Variants in ATG13 observed in about 807,000 individuals in gnomAD.
ATG13 encodes the protein autophagy-related protein 13.
ATG13 carries 23 observed loss-of-function variants against 65.5 expected under a neutral mutation model. The ratio of observed to expected loss-of-function variants is 0.35; its 90% CI spans 0.25 to 0.50. The LOEUF is 0.50. ATG13 is among the 20% of genes least tolerant of loss of function. The probability of loss-of-function intolerance (pLI) is 0.98; values close to 1 mark genes in which losing one functional copy is unlikely to be tolerated. For missense variants in ATG13, 566 were observed against 677.0 expected (o/e 0.84, Z 1.82); for synonymous variants, 252 against 245.2 (o/e 1.03, Z -0.26).
In ATG13 at chr11:46,663,985, GTCT is replaced by G. The variant is rs1565601101; in HGVS notation, c.790-11_790-9del. ...TTTTGTTTCTCCTGTCTCTGTGTGTGTCTGTGCACAGTGTGTGTTTACTGTCAC... is the reference window on the plus strand; with the variant it reads ...TTTTGTTTCTCCTGTCTCTGTGTGTGGTGCACAGTGTGTGTTTACTGTCAC... On this transcript the variant is annotated splice_polypyrimidine_tract_variant and intron_variant, in intron 11 of 18. Transcript: ENST00000683050. 7 of 995,930 alleles carry G rather than the reference GTCT, an allele frequency of 7.0e-6. No homozygotes were observed. Among genetic ancestry groups the G allele is most frequent in the Non-Finnish European group, 1.0e-5 (7 of 684,672 alleles). The allele number at this position is 995,930 out of a possible 1,614,324, so 61.7% of individuals were successfully genotyped here. A position where few individuals can be genotyped will look rare whatever the true frequency, so the allele number is the denominator to read the frequency against.
chr11:46,663,951 T>TTTTTTTTTTTTTTTTTTTTTTC, intron 11 of ATG13, 46 bp from the exon 12 acceptor site: 1 of 1,135,002 alleles, frequency 8.8e-7, no homozygotes, highest in Non-Finnish European at 1.2e-6. Context: ...TTTTCTTTTT[T>TTTTTTTTTTTTTTTTTTTTTTC]TTTTTTTTTT....
intron 2 of ATG13, among the ~76,000 whole-genome samples, chr11:46,631,710 C>A (rs2051802625): frequency 1.3e-5 from 2 of 152,022 alleles, no homozygotes; most frequent in Admixed American, 1.3e-4. Context: ...CCCCACAGGT[C>A]TCTGCAAAAA....
At chr11:46,630,805 G>A (rs902810977) in intron 2 of ATG13, 1 of 151,918 alleles carries the variant, frequency 6.6e-6, no homozygotes, top group African/African-American at 2.4e-5. Context: ...GGACTCAAGT[G>A]ATCCTCCTGC....
At chr11:46,636,749 G>A (rs1159175158) in intron 2 of ATG13, among the ~76,000 whole-genome samples, 4 of 151,824 alleles carry the variant, frequency 2.6e-5, no homozygotes, top group South Asian at 2.1e-4. Flanking sequence ...CAGCTGCCAC[G>A]CTGGGCCTAT....
At chr11:46,643,198 G>A (rs1024448437) in intron 2 of ATG13, among the ~76,000 whole-genome samples, 6 of 152,176 alleles carry the variant, frequency 3.9e-5, no homozygotes, top group Admixed American at 3.3e-4. Context: ...GATTGAGGGA[G>A]TTCAGGGGTT....
chr11:46,653,472 C>T (rs1306168809), intron 7 of ATG13, among the ~76,000 whole-genome samples: 4 of 151,998 alleles, frequency 2.6e-5, no homozygotes, highest in Non-Finnish European at 4.4e-5. Flanking sequence ...CCATGTCCAG[C>T]TACATTTCTT....
intron 10 of ATG13, 21 bp downstream of exon 10, chr11:46,657,643 C>G (rs371095370): frequency 1.5e-4 from 239 of 1,550,534 alleles, no homozygotes; most frequent in Non-Finnish European, 2.0e-4. Context: ...TGAAAAGGTG[C>G]TCTCCCAAAC....
At chr11:46,648,426 A>G (rs1289042109) in intron 5 of ATG13, among the ~76,000 whole-genome samples, 4 of 152,112 alleles carry the variant, frequency 2.6e-5, no homozygotes, top group African/African-American at 9.7e-5. Context: ...TGCAGTAATG[A>G]AAATTAGAAA....
intron 7 of ATG13, among the ~76,000 whole-genome samples, chr11:46,655,801 A>C (rs1370099018): frequency 6.6e-6 from 1 of 152,142 alleles, no homozygotes; most frequent in Non-Finnish European, 1.5e-5. Flanking sequence ...GCAATGGTGC[A>C]ATCTTGGCTC....
At chr11:46,666,231 A>G (rs2062331706) in intron 14 of ATG13, among the ~76,000 whole-genome samples, 1 of 152,236 alleles carries the variant, frequency 6.6e-6, no homozygotes, top group South Asian at 2.1e-4. Context: ...AACGGGAAAC[A>G]GCAGGAGCTC....
intron 18 of ATG13, among the ~76,000 whole-genome samples, chr11:46,671,414 T>C (rs1352809518): frequency 2.0e-5 from 3 of 152,202 alleles, no homozygotes; most frequent in East Asian, 1.9e-4. Flanking sequence ...TCTCAATCTC[T>C]AACTCACCCC....
chr11:46,648,204 T>A (rs2058134087), intron 5 of ATG13, among the ~76,000 whole-genome samples: 1 of 151,822 alleles, frequency 6.6e-6, no homozygotes, highest in African/African-American at 2.4e-5. Flanking sequence ...CAAGCGATTC[T>A]CTTGTCTCAG....
chr11:46,659,650 A>G, intron 11 of ATG13, 165 bp downstream of exon 11: 1 of 556,550 alleles, frequency 1.8e-6, no homozygotes, highest in East Asian at 3.0e-5. Flanking sequence ...AGAAGATAGT[A>G]TTTCTAGTCT....
Position 46,668,519 on chromosome 11 carries a change from T to C in ATG13, c.1272T>C (p.Asp424=), listed in dbSNP as rs754419558. 5.0e-6 allele frequency: 8 copies of C among 1,614,094 alleles called. No homozygotes were observed. In the African/African-American group the frequency reaches 6.7e-5, roughly 13 times the overall value. The change falls in exon 16 of 19, where the codon GAT becomes GAC. Residue 424 remains aspartate, a synonymous_variant. Coordinates refer to ENST00000683050, the MANE Select transcript of ATG13 (RefSeq NM_001346311.2). ...PINQVTLTSL[D]IPFAMFAPKN... ...TTCAGGTGACCCTGACGAGTTTGGA[T>C]ATACCCTTTGCCATGTTTGCTCCCA...
At chr11:46,660,707 C>G (rs538791372) in intron 11 of ATG13, among the ~76,000 whole-genome samples, 1 of 141,074 alleles carries the variant, frequency 7.1e-6, no homozygotes, top group African/African-American at 2.6e-5. Context: ...TGCGCCCGGC[C>G]TTTTTTTTTT....
chr11:46,670,480 CAA>C (rs552531117), intron 18 of ATG13, among the ~76,000 whole-genome samples: 29 of 81,638 alleles, frequency 3.6e-4, no homozygotes, highest in Admixed American at 7.0e-4. Flanking sequence ...GACTCCATCT[CAA>C]AAAAAAAAAA....
chr11:46,628,168 C>G (rs187706201), intron 1 of ATG13, among the ~76,000 whole-genome samples: 1 of 151,630 alleles, frequency 6.6e-6, no homozygotes, highest in African/African-American at 2.4e-5. Flanking sequence ...TTTGGGAGAC[C>G]GAGGTGGGCA....
At chr11:46,643,475 A>G (rs1444153125) in intron 2 of ATG13, among the ~76,000 whole-genome samples, 1 of 152,122 alleles carries the variant, frequency 6.6e-6, no homozygotes, top group Non-Finnish European at 1.5e-5. Flanking sequence ...TCCTTTGGAA[A>G]ACTGGAGAAA....
At position 46,672,741 on chromosome 11, in the gene ATG13, G is replaced by T. The variant is rs763959502; in HGVS notation, c.*409G>T. 3.1e-6 allele frequency: 4 copies of T among 1,301,024 alleles called. No homozygotes were observed. The highest frequency in any genetic ancestry group is 4.0e-6 in the Non-Finnish European group (4 of 1,005,532). The allele number at this position is 1,301,024 out of a possible 1,614,324, so 80.6% of individuals were successfully genotyped here. A position where few individuals can be genotyped will look rare whatever the true frequency, so the allele number is the denominator to read the frequency against. On this transcript the variant is annotated 3_prime_UTR_variant, in exon 19 of 19. Coordinates refer to ENST00000683050, the MANE Select transcript of ATG13 (RefSeq NM_001346311.2). ...CATCCACTGTTTGACATTCCAGCTG[G>T]TGGCCAAGAGATTGGTGTGGAGTCG... is the stretch of plus-strand genomic sequence containing the variant.
Sources: gnomAD v4.1 joint callset for allele counts (sites outside exome capture counted in the v4.1 genomes callset) on GRCh38, gnomAD v4.1.1 for gene constraint, MANE v1.5 for transcripts, NCBI Gene and HGNC (gene_info 2026-07-23, HGNC 2026-07-21) for gene names.